Variants in DLG2 observed in about 807,000 individuals in gnomAD.
DLG2 encodes discs large MAGUK scaffold protein 2, also known as disks large homolog 2.
In DLG2, 45 loss-of-function variants were observed where a neutral mutation model predicts 132.5. The observed-to-expected ratio is 0.34, with a 90% confidence interval of 0.27 to 0.44. The LOEUF (loss-of-function observed/expected upper bound fraction) is 0.44. Among genes scored for constraint, DLG2 ranks in the 20% least tolerant of loss-of-function variants. DLG2 has a pLI of 1.00. For missense variants in DLG2, 1,045 were observed against 1,196.9 expected, an observed-to-expected ratio of 0.87 and a Z score of 1.87; for synonymous variants, 424 against 419.6, an observed-to-expected ratio of 1.01 and a Z score of -0.13.
intron 6 of DLG2, among the ~76,000 whole-genome samples, chr11:84,646,702 TA>T (rs35759527): frequency 0.17 from 23,838 of 143,446 alleles, 2,553 homozygotes; most frequent in African/African-American, 0.32. Flanking sequence ...ATTTTACACT[TA>T]AAAAAAAAAA....
chr11:84,973,242 A>T (rs1314307751), intron 6 of DLG2, among the ~76,000 whole-genome samples: 4 of 152,120 alleles, frequency 2.6e-5, no homozygotes, highest in African/African-American at 9.7e-5. Flanking sequence ...TACAGGTGTG[A>T]GCCACCACGC....
intron 7 of DLG2, among the ~76,000 whole-genome samples, chr11:84,366,667 C>T (rs2154426378): frequency 6.6e-6 from 1 of 152,130 alleles, no homozygotes; most frequent in South Asian, 2.1e-4. Context: ...CAATCCTAGT[C>T]TCTGATAAAA....
intron 10 of DLG2, among the ~76,000 whole-genome samples, chr11:84,088,024 A>G (rs1220513818): frequency 6.6e-6 from 1 of 152,214 alleles, no homozygotes; most frequent in African/African-American, 2.4e-5. Context: ...CACATTCCGG[A>G]TACAAGTCGT....
intron 3 of DLG2, chr11:85,452,314 T>G (rs1344861581): frequency 6.6e-6 from 1 of 152,490 alleles, no homozygotes; most frequent in African/African-American, 2.4e-5. Flanking sequence ...TCCTTTTCCT[T>G]GTCCAAAGCA....
chr11:85,010,280 G>A (rs994107401), intron 6 of DLG2, among the ~76,000 whole-genome samples: 2 of 151,954 alleles, frequency 1.3e-5, no homozygotes, highest in African/African-American at 4.8e-5. Context: ...AAAGGAAACC[G>A]TAAAAACATT....
intron 17 of DLG2, among the ~76,000 whole-genome samples, chr11:83,813,030 AC>A (rs1206232955): frequency 3.3e-5 from 5 of 152,052 alleles, no homozygotes; most frequent in African/African-American, 4.8e-5. Context: ...GGCACATTTA[AC>A]CCCCATAACA....
chr11:84,421,691 C>A (rs899614146), intron 7 of DLG2, among the ~76,000 whole-genome samples: 2 of 152,144 alleles, frequency 1.3e-5, no homozygotes, highest in African/African-American at 2.4e-5. Context: ...ATTTAGATAA[C>A]AAACCAAACC....
chr11:85,466,678 T>A (rs1200526781), intron 3 of DLG2, among the ~76,000 whole-genome samples: 2 of 152,214 alleles, frequency 1.3e-5, no homozygotes, highest in Non-Finnish European at 1.5e-5. Flanking sequence ...TATCTCTGTT[T>A]TGGTACCAGT....
At chr11:83,895,346 G>C (rs913104189) in intron 15 of DLG2, among the ~76,000 whole-genome samples, 6 of 151,976 alleles carry the variant, frequency 3.9e-5, no homozygotes, top group Admixed American at 6.6e-5. Flanking sequence ...TTTTAGTAGA[G>C]AGTGGGTTTC....
chr11:84,395,073 G>C lies in DLG2; in HGVS notation c.519+139497C>G, dbSNP rs139595034. ...TCTGTGAATTCTGGATAAATTTTCT[G>C]GACTAGTTGATTCATTGTTTCTTCA... On this transcript the variant is annotated intron_variant, in intron 7 of 27. Transcript: ENST00000376104. Among the ~76,000 whole-genome samples, 1,258 of 152,000 alleles carry C rather than the reference G, an allele frequency of 8.3e-3. 10 individuals carry two copies. Among genetic ancestry groups the C allele is most frequent in the Non-Finnish European group, 0.01 (686 of 67,964 alleles).
At chr11:85,599,342 C>G (rs1384353610) in intron 2 of DLG2, among the ~76,000 whole-genome samples, 1 of 150,476 alleles carries the variant, frequency 6.6e-6, no homozygotes, top group Non-Finnish European at 1.5e-5. Context: ...TCCCCCACCT[C>G]TCTCTTTCTC....
At chr11:84,295,966 C>T (rs1298197623) in intron 7 of DLG2, among the ~76,000 whole-genome samples, 2 of 152,118 alleles carry the variant, frequency 1.3e-5, no homozygotes, top group African/African-American at 4.8e-5. Flanking sequence ...GATATTATGC[C>T]AAGCTACTGC....
At chr11:83,796,691 G>C (rs1468535443) in intron 17 of DLG2, among the ~76,000 whole-genome samples, 1 of 152,140 alleles carries the variant, frequency 6.6e-6, no homozygotes, top group Non-Finnish European at 1.5e-5. Flanking sequence ...ATGGTTCACT[G>C]TACTATCTTT....
At chr11:84,117,920 A>G (rs1048310081) in intron 9 of DLG2, among the ~76,000 whole-genome samples, 1 of 152,076 alleles carries the variant, frequency 6.6e-6, no homozygotes, top group Non-Finnish European at 1.5e-5. Flanking sequence ...CAACGGTGCG[A>G]TCTCGGCTCA....
chr11:85,343,332 G>T (rs1288718912), intron 3 of DLG2, among the ~76,000 whole-genome samples: 2 of 152,170 alleles, frequency 1.3e-5, no homozygotes, highest in East Asian at 3.9e-4. Flanking sequence ...CTACCAGAGT[G>T]ACACTGAGCT....
At chr11:83,618,332 G>A (rs1386159694) in intron 19 of DLG2, among the ~76,000 whole-genome samples, 1 of 152,062 alleles carries the variant, frequency 6.6e-6, no homozygotes, top group Admixed American at 6.5e-5. Flanking sequence ...TTAATTTGAT[G>A]TTTATGAGAG....
intron 19 of DLG2, among the ~76,000 whole-genome samples, chr11:83,630,101 GA>G (rs1284903300): frequency 6.6e-6 from 1 of 151,934 alleles, no homozygotes; most frequent in East Asian, 1.9e-4. Flanking sequence ...AAGATTAAAG[GA>G]AAAAAAGTAT....
chr11:84,590,762 A>G (rs536318453), intron 6 of DLG2, among the ~76,000 whole-genome samples: 4 of 152,272 alleles, frequency 2.6e-5, no homozygotes, highest in Admixed American at 2.6e-4. Context: ...TATAGCTGTG[A>G]ATAATGCAGA....
intron 18 of DLG2, among the ~76,000 whole-genome samples, chr11:83,742,504 G>A (rs1041461310): frequency 9.2e-5 from 14 of 152,108 alleles, no homozygotes; most frequent in South Asian, 2.1e-4. Context: ...CCAAGATTCA[G>A]GAGTCCTTGA....
Sources: allele counts gnomAD v4.1 joint callset (sites outside exome capture counted in the v4.1 genomes callset), GRCh38; gene constraint gnomAD v4.1.1; transcripts MANE v1.5; gene names NCBI Gene and HGNC (gene_info 2026-07-23, HGNC 2026-07-21).